CRYZL1: variants seen among roughly 807,000 people sequenced by gnomAD.
The protein encoded by CRYZL1 is crystallin zeta like 1, also known as ferry endosomal RAB5 effector complex subunit 4.
In CRYZL1, 34 loss-of-function variants were observed where a neutral mutation model predicts 50.6. The ratio of observed to expected loss-of-function variants is 0.67; its 90% CI spans 0.51 to 0.89. CRYZL1 has a LOEUF of 0.89. Ranked by LOEUF, CRYZL1 falls within the 40% of genes least tolerant of loss-of-function variation. CRYZL1 has a pLI of 0.00. For missense variants in CRYZL1, 354 were observed against 402.3 expected (o/e 0.88, Z 1.03); for synonymous variants, 125 against 134.3 (o/e 0.93, Z 0.48).
intron 7 of CRYZL1, 120 bp from the exon 8 acceptor site, chr21:33,602,465 A>T: frequency 2.2e-6 from 1 of 451,012 alleles, no homozygotes; most frequent in Non-Finnish European, 3.9e-6. Context: ...ATATTTTAAA[A>T]TGTTATCTAA....
At chr21:33,592,760 T>C (rs976264364) in intron 11 of CRYZL1, among the ~76,000 whole-genome samples, 24 of 152,112 alleles carry the variant, frequency 1.6e-4, no homozygotes, top group African/African-American at 5.5e-4. Flanking sequence ...CTTTAGAAAA[T>C]GCAAATTAGG....
At chr21:33,607,830 A>T (rs2086829170) in intron 6 of CRYZL1, among the ~76,000 whole-genome samples, 1 of 152,222 alleles carries the variant, frequency 6.6e-6, no homozygotes, top group African/African-American at 2.4e-5. Flanking sequence ...CAGAGATTAC[A>T]GGTTATTCAG....
chr21:33,630,814 T>C (rs1048748012), intron 2 of CRYZL1, among the ~76,000 whole-genome samples: 2 of 152,130 alleles, frequency 1.3e-5, no homozygotes, highest in South Asian at 2.1e-4. Context: ...TATTCAGCCA[T>C]AAAAAGAGTA....
intron 11 of CRYZL1, among the ~76,000 whole-genome samples, chr21:33,593,009 G>A (rs1012828410): frequency 2.0e-5 from 3 of 149,496 alleles, no homozygotes; most frequent in East Asian, 2.0e-4. Flanking sequence ...CTGAGATGGC[G>A]CCACTTCACT....
At chr21:33,611,813 C>T (rs2086875510) in intron 6 of CRYZL1, among the ~76,000 whole-genome samples, 1 of 152,214 alleles carries the variant, frequency 6.6e-6, no homozygotes, top group African/African-American at 2.4e-5. Context: ...AACTTTCCAT[C>T]CTCTACCTTT....
chr21:33,637,760 C>CATATATAGATATAT (rs2087226304), intron 1 of CRYZL1, among the ~76,000 whole-genome samples: 1 of 131,738 alleles, frequency 7.6e-6, no homozygotes, highest in Non-Finnish European at 1.6e-5. Context: ...AAGAGAAAAA[C>CATATATAGATATAT]ATATATATAT....
At chr21:33,611,585 A>G (rs2086873311) in intron 6 of CRYZL1, among the ~76,000 whole-genome samples, 2 of 152,182 alleles carry the variant, frequency 1.3e-5, no homozygotes, top group Non-Finnish European at 2.9e-5. Flanking sequence ...CTGTCCCCAA[A>G]AGGTCTGATT....
rs777029651 is a variant in CRYZL1, at chr21:33,591,230, T to G, written c.905-23A>C. On this transcript the variant is annotated intron_variant, in intron 11 of 12. Coordinates refer to ENST00000381554, the MANE Select transcript of CRYZL1 (RefSeq NM_145858.3). ...TACGTAGCTGGAAGGATTGTTAAGG[T>G]GGCAATGTAAAGGAGAATTAAATAA... is the stretch of plus-strand genomic sequence containing the variant. 6 of 1,595,662 alleles carry G rather than the reference T, an allele frequency of 3.8e-6. No homozygotes were observed. The African/African-American group carries it at 8.0e-5, about 21-fold the overall frequency.
intron 6 of CRYZL1, among the ~76,000 whole-genome samples, chr21:33,609,951 G>T (rs921805765): frequency 2.0e-5 from 3 of 150,780 alleles, no homozygotes; most frequent in African/African-American, 7.3e-5. Flanking sequence ...TGATCCGCCC[G>T]CCTCGGCCTC....
chr21:33,601,868 C>A (rs1255264369), intron 8 of CRYZL1, among the ~76,000 whole-genome samples: 2 of 147,324 alleles, frequency 1.4e-5, no homozygotes, highest in Non-Finnish European at 3.0e-5. Flanking sequence ...CAGTGAGCCA[C>A]GATTGTGCCA....
intron 4 of CRYZL1, among the ~76,000 whole-genome samples, chr21:33,618,288 CAAAAAAAA>C (rs35810127): frequency 2.3e-4 from 21 of 91,276 alleles, no homozygotes; most frequent in Middle Eastern, 5.9e-3. Flanking sequence ...GACTCCGTCT[CAAAAAAAA>C]AAAAAAAAAA....
intron 5 of CRYZL1, 103 bp from the exon 6 acceptor site, chr21:33,613,709 G>T (rs1190212366): frequency 7.3e-6 from 6 of 823,880 alleles, no homozygotes; most frequent in South Asian, 1.5e-5. Context: ...TTTGAGGAAG[G>T]TTCCAGTAAT....
chr21:33,618,557 T>G (rs1040443297), intron 4 of CRYZL1, among the ~76,000 whole-genome samples: 1 of 152,190 alleles, frequency 6.6e-6, no homozygotes, highest in Non-Finnish European at 1.5e-5. Flanking sequence ...AGCGGTGAAG[T>G]AAGCTGGAAA....
chr21:33,603,790 T>C lies in CRYZL1; in HGVS notation c.332-253A>G, dbSNP rs552265120. Among the ~76,000 whole-genome samples, 12 of 152,334 alleles carry C rather than the reference T, an allele frequency of 7.9e-5. No individual in the cohort carries two copies. The South Asian group carries it at 2.5e-3, about 32-fold the overall frequency. On this transcript the variant is annotated intron_variant, in intron 6 of 12. Transcript: ENST00000381554. ...GAAAAAGTATGTAAAATATAAAATA[T>C]AGCTGGATGAATAAATATAAAGGAA...
At chr21:33,612,865 C>T (rs776627488) in intron 6 of CRYZL1, among the ~76,000 whole-genome samples, 10 of 151,854 alleles carry the variant, frequency 6.6e-5, no homozygotes, top group East Asian at 3.9e-4. Context: ...GACAGAGTCT[C>T]GCTCTGTCAC....
At chr21:33,626,706 A>G (rs567584225) in intron 2 of CRYZL1, among the ~76,000 whole-genome samples, 8 of 152,078 alleles carry the variant, frequency 5.3e-5, no homozygotes, top group East Asian at 3.9e-4. Flanking sequence ...CAAAAAAAAA[A>G]AAAAAGAAAA....
intron 3 of CRYZL1, among the ~76,000 whole-genome samples, chr21:33,623,209 C>T (rs182472112): frequency 1.6e-4 from 24 of 152,174 alleles, no homozygotes; most frequent in African/African-American, 5.3e-4. Flanking sequence ...CATGATCTGC[C>T]TGCCTCGGCC....
intron 2 of CRYZL1, among the ~76,000 whole-genome samples, chr21:33,627,739 G>T (rs906329596): frequency 7.6e-4 from 64 of 84,378 alleles, no homozygotes; most frequent in African/African-American, 3.0e-3. Flanking sequence ...ATGAGACATG[G>T]TTTTTTTTTT....
rs561863681 is a variant in CRYZL1, at chr21:33,598,397, G to C, written c.676+753C>G. ...ACATTAGAAGATAAATCCTACCAAA[G>C]TATAAATAGAAGCACTTTGCAGGCT... On this transcript the variant is annotated intron_variant, in intron 9 of 12. Coordinates refer to ENST00000381554, the MANE Select transcript of CRYZL1 (RefSeq NM_145858.3). 2.0e-5 allele frequency among the ~76,000 whole-genome samples: 3 copies of C among 152,250 alleles called. No individual in the cohort carries two copies. In the South Asian group the frequency reaches 6.2e-4, roughly 32 times the overall value.
Sources: gnomAD v4.1 joint callset for allele counts (sites outside exome capture counted in the v4.1 genomes callset) on GRCh38, gnomAD v4.1.1 for gene constraint, MANE v1.5 for transcripts, NCBI Gene and HGNC (gene_info 2026-07-23, HGNC 2026-07-21) for gene names.